The following SMCO4 variants were observed in gnomAD, a reference collection of about 807,000 sequenced individuals.
SMCO4 encodes the protein single-pass membrane and coiled-coil domain-containing protein 4.
A neutral mutation model predicts 3.6 loss-of-function variants in SMCO4; 4 were observed. That is an observed-to-expected ratio of 1.11 (90% CI 0.54 to 2.53). The LOEUF is 2.53. Ranked by LOEUF, SMCO4 falls within the 30% of genes most tolerant of loss-of-function variation. The pLI is 0.02. For synonymous variants in SMCO4, 36 were observed against 35.3 expected, an observed-to-expected ratio of 1.02 and a Z score of -0.07; for missense variants, 70 against 80.8, an observed-to-expected ratio of 0.87 and a Z score of 0.51.
upstream of SMCO4, among the ~76,000 whole-genome samples, chr11:93,545,000 C>T (rs1238758550): frequency 2.6e-5 from 4 of 152,220 alleles, no homozygotes; most frequent in East Asian, 7.7e-4. Flanking sequence ...GCTGTAGCTC[C>T]ACACTAGGGC....
chr11:93,499,002 A>T (rs1948808030), intron 2 of SMCO4, among the ~76,000 whole-genome samples: 1 of 152,274 alleles, frequency 6.6e-6, no homozygotes, highest in Non-Finnish European at 1.5e-5. Context: ...GAAGGGTGAG[A>T]CCATCAGGGG....
At chr11:93,494,193 T>C (rs542492602) in intron 2 of SMCO4, among the ~76,000 whole-genome samples, 1 of 152,348 alleles carries the variant, frequency 6.6e-6, no homozygotes, top group East Asian at 1.9e-4. Context: ...GTAGTAACAC[T>C]GAAGAATCAC....
At chr11:93,549,141 A>G in the SMCO4 span, among the ~76,000 whole-genome samples, 1 of 152,192 alleles carries the variant, frequency 6.6e-6, no homozygotes, top group South Asian at 2.1e-4. Flanking sequence ...GTACACTCAC[A>G]TGCATGTGTG....
At chr11:93,481,394 T>A (rs1196955324) in intron 2 of SMCO4, 5 of 982,754 alleles carry the variant, frequency 5.1e-6, no homozygotes, top group Non-Finnish European at 6.0e-6. Flanking sequence ...TGCACTGAGC[T>A]CCTCTAAGCC....
At chr11:93,514,758 T>C (rs1190211344) in intron 1 of SMCO4, among the ~76,000 whole-genome samples, 1 of 152,166 alleles carries the variant, frequency 6.6e-6, no homozygotes, top group East Asian at 1.9e-4. Flanking sequence ...TTGCAAATGG[T>C]TTACTGAAGG....
chr11:93,543,055 G>C lies in SMCO4; in HGVS notation c.-154+221C>G, dbSNP rs551352823. Among the ~76,000 whole-genome samples, 7 of 151,906 alleles carry C rather than the reference G, an allele frequency of 4.6e-5. No homozygotes were observed. In the South Asian group the frequency reaches 1.0e-3, roughly 23 times the overall value. ...CGAGCCGCGACGGGCAGGCGAGCTCGAGTCCCTCGGGCCCCCAACCCCGCC... is the reference window on the plus strand; with the variant it reads ...CGAGCCGCGACGGGCAGGCGAGCTCCAGTCCCTCGGGCCCCCAACCCCGCC... On this transcript the variant is annotated intron_variant, in intron 1 of 2. Transcript: ENST00000298966.
chr11:93,533,760 A>C (rs1224942545), intron 1 of SMCO4, among the ~76,000 whole-genome samples: 3 of 152,206 alleles, frequency 2.0e-5, no homozygotes, highest in African/African-American at 7.2e-5. Flanking sequence ...TCCCACCTTC[A>C]TCCCTTTTAA....
intron 1 of SMCO4, among the ~76,000 whole-genome samples, chr11:93,516,142 A>C (rs1949005878): frequency 6.6e-6 from 1 of 152,202 alleles, no homozygotes; most frequent in Non-Finnish European, 1.5e-5. Context: ...AAGATTTTTT[A>C]ATTACAAAAA....
At chr11:93,520,714 C>T (rs1366767904) in intron 1 of SMCO4, among the ~76,000 whole-genome samples, 1 of 152,200 alleles carries the variant, frequency 6.6e-6, no homozygotes, top group Non-Finnish European at 1.5e-5. Flanking sequence ...ATTATTTTGA[C>T]TTTAAGGAGA....
intron 1 of SMCO4, among the ~76,000 whole-genome samples, chr11:93,526,586 A>C (rs1042073386): frequency 6.6e-6 from 1 of 152,164 alleles, no homozygotes; most frequent in African/African-American, 2.4e-5. Flanking sequence ...AAATGAAATA[A>C]AGCAAACCTG....
chr11:93,549,740 C>T, the SMCO4 span, among the ~76,000 whole-genome samples: 1,021 of 152,058 alleles, frequency 6.7e-3, 11 homozygotes, highest in African/African-American at 0.023. Context: ...ATTACAGACA[C>T]AAACCATCAT....
At chr11:93,483,215 A>G (rs1948611891) in intron 2 of SMCO4, among the ~76,000 whole-genome samples, 1 of 152,198 alleles carries the variant, frequency 6.6e-6, no homozygotes. Context: ...ACTCAGGGAA[A>G]GAGAAATCAA....
At chr11:93,551,985 A>G in the SMCO4 span, among the ~76,000 whole-genome samples, 1 of 152,170 alleles carries the variant, frequency 6.6e-6, no homozygotes, top group East Asian at 1.9e-4. Context: ...CAACTCTAAG[A>G]TGCAACAGTC....
At chr11:93,550,368 G>A in the SMCO4 span, among the ~76,000 whole-genome samples, 1 of 152,188 alleles carries the variant, frequency 6.6e-6, no homozygotes, top group South Asian at 2.1e-4. Context: ...TATCATTAAA[G>A]GTGGAACTCG....
chr11:93,529,007 G>A (rs1318704836), intron 1 of SMCO4, among the ~76,000 whole-genome samples: 1 of 152,200 alleles, frequency 6.6e-6, no homozygotes, highest in Admixed American at 6.5e-5. Flanking sequence ...TGTCTTATGG[G>A]AGGGGAACAC....
intron 2 of SMCO4, among the ~76,000 whole-genome samples, chr11:93,496,586 T>C (rs1231239988): frequency 6.6e-6 from 1 of 152,058 alleles, no homozygotes; most frequent in Non-Finnish European, 1.5e-5. Flanking sequence ...AGGTGACCCC[T>C]GTCTATCCTC....
intron 1 of SMCO4, among the ~76,000 whole-genome samples, chr11:93,522,456 C>T (rs374923292): frequency 1.3e-5 from 2 of 152,244 alleles, no homozygotes; most frequent in Non-Finnish European, 1.5e-5. Flanking sequence ...GACCAGTTTA[C>T]GCAACACAAG....
Position 93,479,868 on chromosome 11 carries a change from G to A in SMCO4, c.-80-599C>T, listed in dbSNP as rs79302198. Among the ~76,000 whole-genome samples, 1,117 of 152,238 alleles carry A rather than the reference G, an allele frequency of 7.3e-3. 11 individuals are homozygous for A. The highest frequency in any genetic ancestry group is 0.025 in the African/African-American group (1,026 of 41,530). On this transcript the variant is annotated intron_variant, in intron 2 of 2. Coordinates refer to ENST00000298966, the MANE Select transcript of SMCO4 (RefSeq NM_020179.3). ...TACTCAAGGAGCTGAGGATAGAGATGAAGGACTCAGTTGTGTCCCCACAGA... is the reference window on the plus strand; with the variant it reads ...TACTCAAGGAGCTGAGGATAGAGATAAAGGACTCAGTTGTGTCCCCACAGA...
intron 1 of SMCO4, among the ~76,000 whole-genome samples, chr11:93,511,170 A>G (rs184608175): frequency 9.2e-5 from 14 of 152,004 alleles, no homozygotes; most frequent in Admixed American, 3.3e-4. Context: ...TGTCCAATTA[A>G]AAAAAAATGC....
Sources: allele counts gnomAD v4.1 joint callset (sites outside exome capture counted in the v4.1 genomes callset), GRCh38; gene constraint gnomAD v4.1.1; transcripts MANE v1.5; gene names NCBI Gene and HGNC (gene_info 2026-07-23, HGNC 2026-07-21).